The following DGKB variants were observed in gnomAD, a reference collection of about 807,000 sequenced individuals.
The protein encoded by DGKB is diacylglycerol kinase beta, also known as 90 kDa diacylglycerol kinase.
In DGKB, 67 loss-of-function variants were observed where a neutral mutation model predicts 114.3. The observed-to-expected ratio is 0.59, with a 90% CI of 0.48 to 0.72. The LOEUF is 0.72. Ranked by LOEUF, DGKB falls within the 30% of genes least tolerant of loss-of-function variation. The pLI is 0.00. For missense variants in DGKB, 907 were observed against 975.2 expected, an observed-to-expected ratio of 0.93 and a Z score of 0.93; for synonymous variants, 398 against 323.1, an observed-to-expected ratio of 1.23 and a Z score of -2.49.
At chr7:14,169,664 G>A (rs1365385728) in intron 25 of DGKB, among the ~76,000 whole-genome samples, 1 of 152,120 alleles carries the variant, frequency 6.6e-6, no homozygotes, top group Non-Finnish European at 1.5e-5. Context: ...TGAGATCAAG[G>A]GAGTAAGATC....
chr7:14,944,197 A>T (rs1785733106), intron 1 of DGKB, among the ~76,000 whole-genome samples: 1 of 151,968 alleles, frequency 6.6e-6, no homozygotes, highest in Non-Finnish European at 1.5e-5. Context: ...CTGCAGGTGG[A>T]AGAACTGAGA....
rs6977116 is a variant in DGKB, at chr7:14,659,180, G to C, written c.1134+13749C>G. Among the ~76,000 whole-genome samples, 1,051 of 152,058 alleles carry C rather than the reference G, an allele frequency of 6.9e-3. 17 individuals carry two copies. Among genetic ancestry groups the C allele is most frequent in the African/African-American group, 0.023 (939 of 41,504 alleles). On this transcript the variant is annotated intron_variant, in intron 13 of 25. Transcript: ENST00000402815. ...AGGCTCATCAGATATTATAACAAGAGAGTGTATTCCAGGAAGAACACACCA... is the reference window on the plus strand; with the variant it reads ...AGGCTCATCAGATATTATAACAAGACAGTGTATTCCAGGAAGAACACACCA...
intron 23 of DGKB, among the ~76,000 whole-genome samples, chr7:14,335,192 T>C (rs1325072168): frequency 6.6e-6 from 1 of 152,212 alleles, no homozygotes; most frequent in Non-Finnish European, 1.5e-5. Flanking sequence ...TCCCAGATTA[T>C]GTACAGCTTA....
chr7:14,313,467 C>T (rs1805795552), intron 23 of DGKB, among the ~76,000 whole-genome samples: 1 of 152,106 alleles, frequency 6.6e-6, no homozygotes, highest in Non-Finnish European at 1.5e-5. Context: ...TCGGGAAGCG[C>T]AAGGGGTCAG....
chr7:14,909,811 C>A lies in DGKB; in HGVS notation c.-188+64885G>T, dbSNP rs7795716. Among the ~76,000 whole-genome samples the A allele has an allele frequency of 2.2e-3, 327 of 152,078 alleles. 4 individuals are homozygous for A. The highest frequency in any genetic ancestry group is 7.6e-3 in the African/African-American group (317 of 41,490). On this transcript the variant is annotated intron_variant, in intron 1 of 4. Coordinates refer to the DGKB transcript ENST00000437998. Reference sequence around the variant, plus strand: ...ATAAAACATTAGCACATAATGTGTACTTTTACATCAATAGAAACTGACATC... The same window carrying A: ...ATAAAACATTAGCACATAATGTGTAATTTTACATCAATAGAAACTGACATC...
intron 1 of DGKB, among the ~76,000 whole-genome samples, chr7:14,966,908 G>T (rs1787188075): frequency 6.6e-6 from 1 of 151,974 alleles, no homozygotes; most frequent in African/African-American, 2.4e-5. Context: ...AATAATGCAA[G>T]ATGCTTAATA....
At chr7:14,583,255 A>G in intron 17 of DGKB, 118 bp from the exon 18 acceptor site, 1 of 567,694 alleles carries the variant, frequency 1.8e-6, no homozygotes, top group East Asian at 3.1e-5. Flanking sequence ...AAACTGTAAA[A>G]TATCTCAGTG....
chr7:14,273,803 T>G (rs1481897077), intron 23 of DGKB, among the ~76,000 whole-genome samples: 1 of 152,184 alleles, frequency 6.6e-6, no homozygotes, highest in African/African-American at 2.4e-5. Flanking sequence ...CTTTGTGTAA[T>G]TTACTTTTTT....
At chr7:14,476,958 G>C (rs1473760334) in intron 21 of DGKB, among the ~76,000 whole-genome samples, 1 of 151,810 alleles carries the variant, frequency 6.6e-6, no homozygotes, top group Non-Finnish European at 1.5e-5. Flanking sequence ...CCTCATGTTG[G>C]TCAGGCTGGT....
intron 2 of DGKB, among the ~76,000 whole-genome samples, chr7:14,780,427 G>C (rs1838898648): frequency 6.6e-6 from 1 of 152,082 alleles, no homozygotes; most frequent in Non-Finnish European, 1.5e-5. Flanking sequence ...ACAACAATAG[G>C]CATATAATAG....
At chr7:14,290,396 T>C (rs1209771757) in intron 23 of DGKB, among the ~76,000 whole-genome samples, 1 of 151,928 alleles carries the variant, frequency 6.6e-6, no homozygotes, top group East Asian at 1.9e-4. Context: ...GAGAGAGAGA[T>C]ACAATACCAC....
chr7:14,598,313 T>A (rs1802941397), intron 17 of DGKB, among the ~76,000 whole-genome samples: 1 of 152,192 alleles, frequency 6.6e-6, no homozygotes, highest in Non-Finnish European at 1.5e-5. Context: ...TATAACTTCA[T>A]TAATAATACA....
chr7:14,805,552 C>T (rs928693411), intron 2 of DGKB, among the ~76,000 whole-genome samples: 5 of 151,924 alleles, frequency 3.3e-5, no homozygotes, highest in African/African-American at 1.2e-4. Context: ...GAAGCTTCAG[C>T]CTCTTTTATT....
chr7:14,234,701 G>A (rs1003246601), intron 23 of DGKB, among the ~76,000 whole-genome samples: 50 of 151,858 alleles, frequency 3.3e-4, no homozygotes, highest in African/African-American at 9.9e-4. Context: ...ACTTTATTTC[G>A]ATGCTTTTCT....
intron 15 of DGKB, 37 bp from the exon 16 acceptor site, chr7:14,613,450 G>T: frequency 1.8e-6 from 2 of 1,118,470 alleles, no homozygotes; most frequent in Non-Finnish European, 2.6e-6. Flanking sequence ...AAATTATTAG[G>T]CCCATTATAT....
intron 23 of DGKB, among the ~76,000 whole-genome samples, chr7:14,283,736 C>G (rs113987862): frequency 2.0e-5 from 3 of 152,118 alleles, no homozygotes; most frequent in African/African-American, 4.8e-5. Context: ...TGATGTTTGA[C>G]AAACCTGACA....
intron 21 of DGKB, among the ~76,000 whole-genome samples, chr7:14,411,177 T>G (rs1015725362): frequency 1.1e-4 from 16 of 152,144 alleles, no homozygotes; most frequent in Admixed American, 7.2e-4. Context: ...TAAAATAAGC[T>G]TTGTGTTCGA....
chr7:14,766,554 T>C (rs1283106825), intron 2 of DGKB, among the ~76,000 whole-genome samples: 3 of 151,904 alleles, frequency 2.0e-5, no homozygotes, highest in Non-Finnish European at 4.4e-5. Context: ...TTAGGCATTT[T>C]ATATTTCATA....
chr7:14,313,287 G>T (rs1456266949), intron 23 of DGKB, among the ~76,000 whole-genome samples: 2 of 152,102 alleles, frequency 1.3e-5, no homozygotes, highest in Non-Finnish European at 2.9e-5. Context: ...GGCCGAATAG[G>T]AACAGCTCCG....
Sources: gnomAD v4.1 joint callset for allele counts (sites outside exome capture counted in the v4.1 genomes callset) on GRCh38, gnomAD v4.1.1 for gene constraint, MANE v1.5 for transcripts, NCBI Gene and HGNC (gene_info 2026-07-23, HGNC 2026-07-21) for gene names.